The following PRH1 variants were observed in gnomAD, a reference collection of about 807,000 sequenced individuals.
PRH1 encodes the protein proline rich protein HaeIII subfamily 1, also known as salivary acidic proline-rich phosphoprotein 1/2.
In PRH1, 7 loss-of-function variants were observed where a neutral mutation model predicts 7.9. That is an observed-to-expected ratio of 0.89 (90% CI 0.50 to 1.67). The LOEUF (loss-of-function observed/expected upper bound fraction) is 1.67. Ranked by LOEUF, PRH1 falls within the 40% of genes most tolerant of loss-of-function variation. PRH1 has a pLI of 0.00. For missense variants in PRH1, 109 were observed against 223.6 expected (o/e 0.49, Z 3.27); for synonymous variants, 45 against 80.8 (o/e 0.56, Z 2.38).
intron 1 of PRH1, among the ~76,000 whole-genome samples, chr12:11,000,015 T>C (rs1940506441): frequency 6.6e-6 from 1 of 152,174 alleles, no homozygotes; most frequent in African/African-American, 2.4e-5. Flanking sequence ...TGAGCTATTA[T>C]GAATAATACT....
At chr12:11,113,418 C>A (rs992570600) in intron 1 of PRH1, among the ~76,000 whole-genome samples, 1 of 152,090 alleles carries the variant, frequency 6.6e-6, no homozygotes, top group Non-Finnish European at 1.5e-5. Context: ...CACACATCTA[C>A]AACCATCTGA....
At chr12:11,166,806 T>C (rs1947596734) in intron 1 of PRH1, among the ~76,000 whole-genome samples, 1 of 152,236 alleles carries the variant, frequency 6.6e-6, no homozygotes, top group Non-Finnish European at 1.5e-5. Flanking sequence ...TTTGTCTTAC[T>C]AAGCTAAAAT....
intron 1 of PRH1, among the ~76,000 whole-genome samples, chr12:10,983,616 G>C (rs954439661): frequency 1.3e-5 from 2 of 152,172 alleles, no homozygotes; most frequent in Non-Finnish European, 2.9e-5. Context: ...CTGGCCAATG[G>C]GAAATAGAAG....
rs1591843970 is a variant in PRH1, at chr12:11,030,331, G to A, written c.-126+16689C>T. 3.2e-6 allele frequency: 5 copies of A among 1,540,378 alleles called. No homozygotes were observed. The African/African-American group carries it at 5.5e-5, about 17-fold the overall frequency. ...ATACACATACAGTATAGAAAAACCAGTAAGAAATATAAAATGTTTCATACA... is the reference window on the plus strand; with the variant it reads ...ATACACATACAGTATAGAAAAACCAATAAGAAATATAAAATGTTTCATACA... On this transcript the variant is annotated intron_variant, in intron 1 of 3. Coordinates refer to the PRH1 transcript ENST00000539853.
intron 1 of PRH1, among the ~76,000 whole-genome samples, chr12:11,090,200 T>G (rs1353611489): frequency 2.9e-4 from 30 of 103,014 alleles, no homozygotes; most frequent in South Asian, 5.3e-4. Context: ...AATTACAAAG[T>G]TACGGCTCAT....
chr12:10,925,332 T>G (rs1950109294), intron 2 of PRH1, among the ~76,000 whole-genome samples: 1 of 152,230 alleles, frequency 6.6e-6, no homozygotes, highest in Non-Finnish European at 1.5e-5. Context: ...GACTGAAATC[T>G]GTGCAAGTGG....
chr12:10,916,512 T>G (rs1949974428), intron 2 of PRH1, among the ~76,000 whole-genome samples: 1 of 152,014 alleles, frequency 6.6e-6, no homozygotes, highest in Non-Finnish European at 1.5e-5. Flanking sequence ...AAGGGAGACC[T>G]GCCACAGATA....
chr12:10,951,891 T>C (rs1937690252), intron 2 of PRH1, among the ~76,000 whole-genome samples: 1 of 152,230 alleles, frequency 6.6e-6, no homozygotes, highest in Admixed American at 6.5e-5. Flanking sequence ...TTATTCATTC[T>C]CAGTTTTTAC....
chr12:11,042,623 CTTTTT>C (rs71051557), intron 1 of PRH1, among the ~76,000 whole-genome samples: 17,892 of 79,208 alleles, frequency 0.23, 1,538 homozygotes, highest in Middle Eastern at 0.31. Flanking sequence ...CAGGCTCATT[CTTTTT>C]TTTTTTTTTT....
chr12:10,919,418 C>T (rs1363182500), intron 2 of PRH1, among the ~76,000 whole-genome samples: 2 of 152,156 alleles, frequency 1.3e-5, no homozygotes, highest in African/African-American at 4.8e-5. Flanking sequence ...GGACACCTAA[C>T]TTAGGATGGA....
In PRH1 at chr12:11,062,266, G is replaced by T. The variant is rs540344507; in HGVS notation, n.124-15078C>A. On this transcript the variant is annotated intron_variant and non_coding_transcript_variant, in intron 1 of 4. Transcript: ENST00000541977. ...CACAAATGTAACCACTATTAGAATGGAAAAAATGATGGGCAGAAAAGTTAT... is the reference window on the plus strand; with the variant it reads ...CACAAATGTAACCACTATTAGAATGTAAAAAATGATGGGCAGAAAAGTTAT... 7 of 1,610,018 alleles carry T rather than the reference G, an allele frequency of 4.3e-6. No individual in the cohort carries two copies. The highest frequency in any genetic ancestry group is 3.3e-5 in the South Asian group (3 of 90,408).
At chr12:10,958,632 A>G (rs1374969480) in intron 2 of PRH1, among the ~76,000 whole-genome samples, 1 of 152,208 alleles carries the variant, frequency 6.6e-6, no homozygotes, top group African/African-American at 2.4e-5. Flanking sequence ...GGAGGCCTCA[A>G]TGATTCAATG....
chr12:10,928,876 C>T lies in PRH1; in HGVS notation c.-58-44601G>A, dbSNP rs370840916. ...GCTGCCCAACCCCCTGACACACCCA[C>T]ACAAACTCACATACACACAAATGAA... On this transcript the variant is annotated intron_variant, in intron 2 of 3. Transcript: ENST00000539853. Among the ~76,000 whole-genome samples, 63 of 152,348 alleles carry T rather than the reference C, an allele frequency of 4.1e-4. 2 individuals are homozygous for T. The South Asian group carries it at 0.013, about 31-fold the overall frequency.
chr12:10,953,507 G>C (rs1159435621), intron 2 of PRH1, among the ~76,000 whole-genome samples: 3 of 152,150 alleles, frequency 2.0e-5, no homozygotes. Context: ...GCTGGGGAAA[G>C]AATCTCAGAG....
intron 1 of PRH1, among the ~76,000 whole-genome samples, chr12:11,104,809 T>C (rs756226360): frequency 6.6e-6 from 1 of 152,098 alleles, no homozygotes; most frequent in Non-Finnish European, 1.5e-5. Flanking sequence ...TCATATCCTT[T>C]CCAAAATAAA....
chr12:11,061,592 G>A (rs370059980), intron 1 of PRH1: 2,237 of 1,503,032 alleles, frequency 1.5e-3, no homozygotes, highest in African/African-American at 6.4e-3. Flanking sequence ...CATAACAAGA[G>A]GAAGGAGGTC....
chr12:10,975,195 G>C (rs1258653129), intron 1 of PRH1, among the ~76,000 whole-genome samples: 1 of 152,170 alleles, frequency 6.6e-6, no homozygotes, highest in African/African-American at 2.4e-5. Context: ...CCTACAAAGG[G>C]AACCCCATCA....
chr12:11,158,560 T>C (rs7298947), intron 1 of PRH1, among the ~76,000 whole-genome samples: 113,338 of 152,074 alleles, frequency 0.75, 44,745 homozygotes, highest in East Asian at 0.96. Context: ...TCTATTGTTA[T>C]TAGCAGGCAT....
intron 1 of PRH1, among the ~76,000 whole-genome samples, chr12:11,013,231 C>T (rs1941143450): frequency 6.6e-6 from 1 of 152,146 alleles, no homozygotes; most frequent in Non-Finnish European, 1.5e-5. Context: ...AATCAGAATT[C>T]TGTGGTACTG....
Sources: gnomAD v4.1 joint callset for allele counts (sites outside exome capture counted in the v4.1 genomes callset) on GRCh38, gnomAD v4.1.1 for gene constraint, MANE v1.5 for transcripts, NCBI Gene and HGNC (gene_info 2026-07-23, HGNC 2026-07-21) for gene names.